CDYL: variants seen among roughly 807,000 people sequenced by gnomAD.
CDYL encodes the protein chromodomain Y-like protein.
Under a neutral mutation model 47.3 loss-of-function variants are expected in CDYL, and 8 were observed. The observed-to-expected ratio is 0.17, with a 90% CI of 0.10 to 0.31. CDYL has a LOEUF of 0.31. CDYL is among the 10% of genes least tolerant of loss of function. CDYL has a pLI of 1.00. For synonymous variants in CDYL, 266 were observed against 265.0 expected (o/e 1.00, Z -0.04); for missense variants, 471 against 701.4 (o/e 0.67, Z 3.71).
intron 1 of CDYL, among the ~76,000 whole-genome samples, chr6:4,787,618 A>C (rs1472965781): frequency 6.6e-6 from 1 of 152,114 alleles, no homozygotes; most frequent in Non-Finnish European, 1.5e-5. Context: ...GAACCTAACG[A>C]AAGTCAACAG....
chr6:4,712,608 T>A (rs1757171957), intron 1 of CDYL, among the ~76,000 whole-genome samples: 1 of 152,240 alleles, frequency 6.6e-6, no homozygotes, highest in African/African-American at 2.4e-5. Context: ...GCCCTGTGTC[T>A]TTCCACACTG....
chr6:4,731,491 A>G (rs1757604145), intron 2 of CDYL, among the ~76,000 whole-genome samples: 1 of 152,080 alleles, frequency 6.6e-6, no homozygotes, highest in Non-Finnish European at 1.5e-5. Context: ...GATCCAAAAA[A>G]CATGTCTTGA....
intron 1 of CDYL, among the ~76,000 whole-genome samples, chr6:4,842,761 A>G (rs935772402): frequency 6.6e-6 from 1 of 152,066 alleles, no homozygotes; most frequent in African/African-American, 2.4e-5. Context: ...TACTATTGAG[A>G]TGCTAGGTAT....
At chr6:4,723,621 C>A (rs1274172711) in intron 2 of CDYL, among the ~76,000 whole-genome samples, 1 of 152,170 alleles carries the variant, frequency 6.6e-6, no homozygotes, top group Non-Finnish European at 1.5e-5. Context: ...ACCCTACAGA[C>A]TAGCACTGTG....
intron 3 of CDYL, among the ~76,000 whole-genome samples, chr6:4,743,893 T>C (rs1242735928): frequency 1.3e-5 from 2 of 152,266 alleles, no homozygotes; most frequent in Admixed American, 6.5e-5. Context: ...TAATAACTTG[T>C]ACCTGAGAGT....
chr6:4,720,906 T>C (rs1757356505), intron 2 of CDYL, among the ~76,000 whole-genome samples: 1 of 152,330 alleles, frequency 6.6e-6, no homozygotes, highest in South Asian at 2.1e-4. Context: ...TATCATTTAA[T>C]AAACATATTG....
At chr6:4,748,613 G>C (rs61198309) in intron 3 of CDYL, among the ~76,000 whole-genome samples, 1,708 of 150,768 alleles carry the variant, frequency 0.011, 33 homozygotes, top group African/African-American at 0.039. Context: ...TGGGGACCAG[G>C]ATAGGAAGAC....
chr6:4,830,574 G>A (rs1472114549), intron 1 of CDYL, among the ~76,000 whole-genome samples: 1 of 151,676 alleles, frequency 6.6e-6, no homozygotes, highest in Admixed American at 6.6e-5. Context: ...ATAAGGCTTA[G>A]GTTTCTTTTA....
In CDYL at chr6:4,883,429, G is replaced by A. The variant is rs808620; in HGVS notation, c.25-8284G>A. 6.9e-4 allele frequency among the ~76,000 whole-genome samples: 105 copies of A among 152,180 alleles called. 1 individual carries two copies. In the East Asian group the frequency reaches 0.019, roughly 28 times the overall value. The stretch of plus-strand genomic sequence containing the variant: ...TTTGGTGCATTCCTTTGACCCATGC[G>A]GAGAATTCTATCAGAAGCAGCAGGG... On this transcript the variant is annotated intron_variant, in intron 1 of 6. Transcript: ENST00000397588.
At chr6:4,717,324 T>TA (rs1235536062) in intron 2 of CDYL, among the ~76,000 whole-genome samples, 1 of 152,162 alleles carries the variant, frequency 6.6e-6, no homozygotes, top group African/African-American at 2.4e-5. Flanking sequence ...AGCTGGGGCT[T>TA]TTAACTTACC....
intron 1 of CDYL, among the ~76,000 whole-genome samples, chr6:4,839,654 A>T (rs1760429399): frequency 2.0e-5 from 3 of 152,210 alleles, no homozygotes; most frequent in South Asian, 2.1e-4. Flanking sequence ...CAATTATCCC[A>T]GCACCATTTG....
At chr6:4,926,161 T>G (rs1757867695) in intron 2 of CDYL, among the ~76,000 whole-genome samples, 1 of 152,228 alleles carries the variant, frequency 6.6e-6, no homozygotes, top group African/African-American at 2.4e-5. Flanking sequence ...AAGGATTTAT[T>G]TAACACATTA....
chr6:4,832,631 G>A (rs976039564), intron 1 of CDYL, among the ~76,000 whole-genome samples: 1 of 151,240 alleles, frequency 6.6e-6, no homozygotes, highest in African/African-American at 2.4e-5. Context: ...CTACTGATTG[G>A]AATAGTTTCA....
intron 3 of CDYL, among the ~76,000 whole-genome samples, chr6:4,753,437 G>C (rs775772834): frequency 3.2e-4 from 48 of 152,126 alleles, no homozygotes; most frequent in Non-Finnish European, 4.4e-4. Context: ...ACTCCCTGCT[G>C]TTCAATCCCT....
Position 4,752,836 on chromosome 6 carries a change from A to ATGTGTGTGTGTGTGTGTGTGTGTG in CDYL, c.186+18013_186+18014insGTGTGTGTGTGTGTGTGTGTGTGT, listed in dbSNP as rs35686534. Reference sequence around the variant, plus strand: ...TCTTTCATGTCTGCAAAGGAAAATAATGTGTGTGTGTGTGTGTGTGTTTGT... The same window carrying ATGTGTGTGTGTGTGTGTGTGTGTG: ...TCTTTCATGTCTGCAAAGGAAAATAATGTGTGTGTGTGTGTGTGTGTGTGTGTGTGTGTGTGTGTGTGTGTTTGT... On this transcript the variant is annotated intron_variant, in intron 3 of 8. Transcript: ENST00000328908. 1.4e-3 allele frequency among the ~76,000 whole-genome samples: 214 copies of ATGTGTGTGTGTGTGTGTGTGTGTG among 148,836 alleles called. 1 individual carries two copies. The highest frequency in any genetic ancestry group is 8.9e-3 in the East Asian group (45 of 5,072).
intron 2 of CDYL, among the ~76,000 whole-genome samples, chr6:4,908,387 G>A (rs183091596): frequency 4.1e-4 from 63 of 152,298 alleles, no homozygotes; most frequent in African/African-American, 1.5e-3. Context: ...GTATGTCCTT[G>A]GGCCCTAGTT....
At chr6:4,748,587 A>AG (rs1757935574) in intron 3 of CDYL, among the ~76,000 whole-genome samples, 2 of 150,956 alleles carry the variant, frequency 1.3e-5, no homozygotes, top group South Asian at 4.2e-4. Flanking sequence ...GGGTAGGGGT[A>AG]GGAGCGTGGG....
Position 4,744,117 on chromosome 6 carries a change from G to A in CDYL, c.186+9273G>A, listed in dbSNP as rs564643271. ...TGGGGAGCTGAATCACTACTGAGCAGGACGAAGGTCAGATGGGAGTTGGGA... is the reference window on the plus strand; with the variant it reads ...TGGGGAGCTGAATCACTACTGAGCAAGACGAAGGTCAGATGGGAGTTGGGA... On this transcript the variant is annotated intron_variant, in intron 3 of 8. Transcript: ENST00000328908. Among the ~76,000 whole-genome samples the A allele has an allele frequency of 2.4e-3, 362 of 152,310 alleles. 2 individuals carry two copies. The highest frequency in any genetic ancestry group is 8.3e-3 in the African/African-American group (344 of 41,564).
At chr6:4,932,716 A>C (rs924994874) in intron 2 of CDYL, among the ~76,000 whole-genome samples, 1 of 152,160 alleles carries the variant, frequency 6.6e-6, no homozygotes, top group Non-Finnish European at 1.5e-5. Flanking sequence ...TCCTGTCCCA[A>C]CATGCCAGCA....
Sources: gnomAD v4.1 joint callset for allele counts (sites outside exome capture counted in the v4.1 genomes callset) on GRCh38, gnomAD v4.1.1 for gene constraint, MANE v1.5 for transcripts, NCBI Gene and HGNC (gene_info 2026-07-23, HGNC 2026-07-21) for gene names.